PCDH15: variants seen among roughly 807,000 people sequenced by gnomAD.
PCDH15 encodes the protein protocadherin related 15, also known as protocadherin-15.
A neutral mutation model predicts 178.5 loss-of-function variants in PCDH15; 129 were observed. The ratio of observed to expected loss-of-function variants is 0.72; its 90% CI spans 0.63 to 0.84. The LOEUF is 0.84. Ranked by LOEUF, PCDH15 falls within the 40% of genes least tolerant of loss-of-function variation. The pLI, the probability that PCDH15 is intolerant of heterozygous loss-of-function variation, is 0.00. For missense variants in PCDH15, 2,230 were observed against 2,099.9 expected (o/e 1.06, Z -1.21); for synonymous variants, 800 against 732.0 (o/e 1.09, Z -1.50).
intron 3 of PCDH15, among the ~76,000 whole-genome samples, chr10:54,853,209 G>A (rs971300166): frequency 1.3e-5 from 2 of 149,238 alleles, no homozygotes; most frequent in East Asian, 2.0e-4. Context: ...GTAGTGAGCC[G>A]AGATTACACC....
At chr10:54,985,853 T>G (rs1393273303) in intron 2 of PCDH15, among the ~76,000 whole-genome samples, 1 of 152,202 alleles carries the variant, frequency 6.6e-6, no homozygotes, top group Non-Finnish European at 1.5e-5. Flanking sequence ...AAAATAATAA[T>G]AAAGTGAACA....
chr10:54,032,535 A>C (rs2135432960), intron 18 of PCDH15, among the ~76,000 whole-genome samples: 1 of 151,986 alleles, frequency 6.6e-6, no homozygotes, highest in East Asian at 1.9e-4. Context: ...AACCACCCAA[A>C]CACATGAAGA....
chr10:55,193,228 C>T (rs1411188809), intron 1 of PCDH15, among the ~76,000 whole-genome samples: 1 of 151,624 alleles, frequency 6.6e-6, no homozygotes, highest in Non-Finnish European at 1.5e-5. Context: ...ATTCAATATT[C>T]ATTATAGCAA....
intron 2 of PCDH15, among the ~76,000 whole-genome samples, chr10:54,907,677 A>G (rs1564621062): frequency 6.6e-6 from 1 of 152,150 alleles, no homozygotes; most frequent in African/African-American, 2.4e-5. Context: ...TGCTCCCCAA[A>G]TTGTCCCTTA....
chr10:53,922,252 T>C (rs1479803887), intron 25 of PCDH15, among the ~76,000 whole-genome samples: 2 of 152,152 alleles, frequency 1.3e-5, no homozygotes, highest in Non-Finnish European at 1.5e-5. Flanking sequence ...GCATATTTAG[T>C]ATGTGCTTAT....
chr10:54,566,070 GT>G (rs1453730207), intron 2 of PCDH15, among the ~76,000 whole-genome samples: 3 of 152,110 alleles, frequency 2.0e-5, no homozygotes, highest in Non-Finnish European at 4.4e-5. Flanking sequence ...GGCAACAAGA[GT>G]GAAATTTCAT....
intron 3 of PCDH15, among the ~76,000 whole-genome samples, chr10:54,447,141 G>A (rs1327188622): frequency 6.6e-6 from 1 of 151,582 alleles, no homozygotes; most frequent in Non-Finnish European, 1.5e-5. Flanking sequence ...CTAAGCGTTG[G>A]TGTGTCAGTG....
chr10:54,598,800 A>T (rs2092367333), intron 2 of PCDH15, among the ~76,000 whole-genome samples: 1 of 152,164 alleles, frequency 6.6e-6, no homozygotes. Context: ...ATCAATGTAC[A>T]AAAATGACTA....
At chr10:53,845,133 A>T (rs190120088) in intron 28 of PCDH15, among the ~76,000 whole-genome samples, 1 of 152,060 alleles carries the variant, frequency 6.6e-6, no homozygotes, top group Non-Finnish European at 1.5e-5. Context: ...CGACATCACT[A>T]ATCATCAAGG....
At chr10:53,904,138 T>C (rs893822784) in intron 25 of PCDH15, among the ~76,000 whole-genome samples, 42 of 152,276 alleles carry the variant, frequency 2.8e-4, no homozygotes, top group African/African-American at 9.4e-4. Flanking sequence ...TAAAAAACAA[T>C]TTAATATGTA....
At chr10:54,867,342 C>A (rs1953959270) in intron 3 of PCDH15, among the ~76,000 whole-genome samples, 1 of 152,046 alleles carries the variant, frequency 6.6e-6, no homozygotes, top group South Asian at 2.1e-4. Context: ...TTCTTTAAAC[C>A]ATTGAATCAA....
intron 2 of PCDH15, among the ~76,000 whole-genome samples, chr10:55,462,249 A>G (rs981582293): frequency 6.6e-6 from 1 of 152,116 alleles, no homozygotes; most frequent in Admixed American, 6.6e-5. Context: ...CATTTATATG[A>G]CCAAACTTGG....
intron 2 of PCDH15, among the ~76,000 whole-genome samples, chr10:55,451,815 A>G (rs764019475): frequency 4.6e-5 from 7 of 152,176 alleles, no homozygotes; most frequent in Non-Finnish European, 8.8e-5. Context: ...TCTATTACCT[A>G]TTTATCTAAC....
intron 2 of PCDH15, among the ~76,000 whole-genome samples, chr10:55,111,833 A>T (rs1251595580): frequency 6.6e-6 from 1 of 152,354 alleles, no homozygotes; most frequent in Admixed American, 6.5e-5. Context: ...GGCCTGGGCA[A>T]CAAGAGTGAA....
At position 54,582,735 on chromosome 10, in the gene PCDH15, G is replaced by C. The variant is rs547931022; in HGVS notation, c.92-54858C>G. On this transcript the variant is annotated intron_variant, in intron 2 of 37. Transcript: ENST00000644397. Reference sequence around the variant, plus strand: ...CAACTAGCATGGGCAATGTAGGGAGGCCCTGTCTCTACGAAGAAAATTAAA... The same window carrying C: ...CAACTAGCATGGGCAATGTAGGGAGCCCCTGTCTCTACGAAGAAAATTAAA... Among the ~76,000 whole-genome samples the C allele has an allele frequency of 1.1e-4, 16 of 152,038 alleles. No individual in the cohort carries two copies. The East Asian group carries it at 3.1e-3, about 30-fold the overall frequency.
At chr10:55,323,544 G>A (rs1843957703), upstream of PCDH15, among the ~76,000 whole-genome samples, 1 of 152,202 alleles carries the variant, frequency 6.6e-6, no homozygotes, top group Admixed American at 6.5e-5. Context: ...TGTGAGACAT[G>A]GAGTCAAAGG....
chr10:55,198,383 C>G (rs1018338386), intron 1 of PCDH15, among the ~76,000 whole-genome samples: 10 of 152,074 alleles, frequency 6.6e-5, no homozygotes, highest in Non-Finnish European at 1.2e-4. Flanking sequence ...GTTCTTGTGA[C>G]AGTAAATGAA....
chr10:54,483,378 A>T (rs1332279267), intron 3 of PCDH15, among the ~76,000 whole-genome samples: 1 of 151,796 alleles, frequency 6.6e-6, no homozygotes, highest in Non-Finnish European at 1.5e-5. Flanking sequence ...TATTTATTTT[A>T]TTTATTTTAT....
chr10:54,090,127 A>C, intron 15 of PCDH15, 64 bp from the exon 16 acceptor site: 3 of 1,266,836 alleles, frequency 2.4e-6, no homozygotes, highest in Non-Finnish European at 3.5e-6. Flanking sequence ...ATTACAGAGT[A>C]ATATAAAAGC....
Sources: gnomAD v4.1 joint callset for allele counts (sites outside exome capture counted in the v4.1 genomes callset) on GRCh38, gnomAD v4.1.1 for gene constraint, MANE v1.5 for transcripts, NCBI Gene and HGNC (gene_info 2026-07-23, HGNC 2026-07-21) for gene names.